Variants in BRAF observed in about 807,000 individuals in gnomAD.
BRAF encodes serine/threonine-protein kinase B-raf.
In BRAF, 16 loss-of-function variants were observed where a neutral mutation model predicts 104.6. The ratio of observed to expected loss-of-function variants is 0.15; its 90% CI spans 0.10 to 0.23. BRAF has a LOEUF of 0.23. Among genes scored for constraint, BRAF ranks in the 10% least tolerant of loss-of-function variants. The pLI is 1.00. For missense variants in BRAF, 541 were observed against 937.3 expected, an observed-to-expected ratio of 0.58 and a Z score of 5.52; for synonymous variants, 310 against 341.6, an observed-to-expected ratio of 0.91 and a Z score of 1.02.
intron 3 of BRAF, among the ~76,000 whole-genome samples, chr7:140,809,727 T>C (rs1354716772): frequency 1.3e-5 from 2 of 152,210 alleles, no homozygotes; most frequent in East Asian, 3.8e-4. Flanking sequence ...TGTAGTTCTG[T>C]AGATTTGCAG....
rs7797753 is a variant in BRAF, at chr7:140,740,244, A to G, written c.2113-298T>C. The G allele has an allele frequency of 0.047, 14,145 of 299,352 alleles. 1,826 individuals carry two copies. Among genetic ancestry groups the G allele is most frequent in the African/African-American group, 0.28 (12,978 of 46,562 alleles). 18.5% of individuals were successfully genotyped at this position (299,352 alleles called of 1,614,324 possible). A position where few individuals can be genotyped will look rare whatever the true frequency, so the allele number is the denominator to read the frequency against. ...CCCACTCACAGGGTAACCATCTAAA[A>G]CAGATCTGACAGTGCCTCTTCTTTA... On this transcript the variant is annotated intron_variant, in intron 17 of 19. Transcript: ENST00000644969.
chr7:140,793,846 C>CT (rs1195604128), intron 8 of BRAF, among the ~76,000 whole-genome samples: 5 of 152,150 alleles, frequency 3.3e-5, no homozygotes, highest in African/African-American at 1.2e-4. Context: ...AGGCTGGTCT[C>CT]TAACTTCTGG....
intron 3 of BRAF, among the ~76,000 whole-genome samples, chr7:140,832,597 G>T (rs1368364997): frequency 6.6e-6 from 1 of 152,108 alleles, no homozygotes; most frequent in African/African-American, 2.4e-5. Flanking sequence ...GATTCATAAG[G>T]CCTTTTAAGT....
chr7:140,893,252 CT>C (rs1212458745), intron 1 of BRAF, among the ~76,000 whole-genome samples: 407 of 141,522 alleles, frequency 2.9e-3, no homozygotes, highest in Admixed American at 3.2e-3. Context: ...CCATAACATT[CT>C]TTTTTTTTTT....
intron 3 of BRAF, among the ~76,000 whole-genome samples, chr7:140,826,053 T>C (rs549412318): frequency 2.6e-5 from 4 of 152,294 alleles, no homozygotes; most frequent in South Asian, 4.1e-4. Context: ...GCTTAACCTC[T>C]CTTTTATATT....
intron 1 of BRAF, among the ~76,000 whole-genome samples, chr7:140,912,158 A>G (rs559663916): frequency 1.3e-5 from 2 of 152,296 alleles, no homozygotes; most frequent in East Asian, 3.9e-4. Flanking sequence ...CATCTCTTAA[A>G]GGAAAAAAAA....
chr7:140,880,349 T>A (rs1812763386), intron 1 of BRAF, among the ~76,000 whole-genome samples: 1 of 152,228 alleles, frequency 6.6e-6, no homozygotes, highest in Admixed American at 6.5e-5. Context: ...CATGACATTG[T>A]AGCAATTCGG....
downstream of BRAF, among the ~76,000 whole-genome samples, chr7:140,715,429 T>C (rs1471377919): frequency 1.3e-5 from 2 of 152,126 alleles, no homozygotes; most frequent in Non-Finnish European, 2.9e-5. Flanking sequence ...TGTCTTCCAC[T>C]CACCCCCACC....
chr7:140,787,067 C>T (rs974407462), intron 9 of BRAF, among the ~76,000 whole-genome samples: 1 of 151,734 alleles, frequency 6.6e-6, no homozygotes, highest in South Asian at 2.1e-4. Context: ...TTTGGGAGGC[C>T]GAGGCGGGCG....
At chr7:140,836,564 C>G (rs1295924336) in intron 2 of BRAF, among the ~76,000 whole-genome samples, 1 of 152,154 alleles carries the variant, frequency 6.6e-6, no homozygotes, top group Non-Finnish European at 1.5e-5. Flanking sequence ...TGTTTACAGC[C>G]TGCTAGTTGC....
At chr7:140,744,886 TTAA>T (rs1429847749) in intron 17 of BRAF, among the ~76,000 whole-genome samples, 1 of 152,138 alleles carries the variant, frequency 6.6e-6, no homozygotes, top group African/African-American at 2.4e-5. Flanking sequence ...AATTAAAAAA[TTAA>T]TAATCAGAGC....
At position 140,725,699 on chromosome 7, in the gene BRAF, G is replaced by GAAA; in HGVS notation, c.*792_*794dup. The GAAA allele has an allele frequency of 1.2e-5, 11 of 890,876 alleles. No individual in the cohort carries two copies. Among genetic ancestry groups the GAAA allele is most frequent in the African/African-American group, 5.4e-5 (3 of 56,024 alleles). 55.2% of individuals were successfully genotyped at this position (890,876 alleles called of 1,614,324 possible). A position where few individuals can be genotyped will look rare whatever the true frequency, so the allele number is the denominator to read the frequency against. On this transcript the variant is annotated 3_prime_UTR_variant, in exon 20 of 20. Coordinates refer to ENST00000644969, the MANE Select transcript of BRAF (RefSeq NM_001374258.1). ...CCTGAGAATTTGCTACATTGTGGAGGAAAAAAAAAAAACCCAAACACTTAT... is the reference window on the plus strand; with the variant it reads ...CCTGAGAATTTGCTACATTGTGGAGGAAAAAAAAAAAAAAACCCAAACACTTAT...
intron 15 of BRAF, 51 bp from the exon 15 acceptor site, chr7:140,753,444 G>T: frequency 1.7e-6 from 2 of 1,210,594 alleles, no homozygotes; most frequent in South Asian, 1.2e-5. Context: ...TCCTATCAGA[G>T]CAAGCATTAT....
intron 5 of BRAF, among the ~76,000 whole-genome samples, chr7:140,805,564 A>G (rs1478761296): frequency 6.6e-6 from 1 of 152,184 alleles, no homozygotes; most frequent in Non-Finnish European, 1.5e-5. Context: ...TTAATCTAGT[A>G]TCTGAGTATA....
chr7:140,720,501 C>G lies in BRAF; in HGVS notation c.*5993G>C. The G allele has an allele frequency of 9.4e-7, 1 of 1,064,486 alleles. No individual in the cohort carries two copies. Among genetic ancestry groups the G allele is most frequent in the Non-Finnish European group, 1.1e-6 (1 of 878,870 alleles). The allele number at this position is 1,064,486 out of a possible 1,614,324, so 65.9% of individuals were successfully genotyped here. On this transcript the variant is annotated 3_prime_UTR_variant, in exon 20 of 20. Coordinates refer to ENST00000644969, the MANE Select transcript of BRAF (RefSeq NM_001374258.1). Reference sequence around the variant, plus strand: ...TGTTGATATAGCTGGTTTTAATCAGCTATGGAACATACACAAATGTATTAG... The same window carrying G: ...TGTTGATATAGCTGGTTTTAATCAGGTATGGAACATACACAAATGTATTAG...
chr7:140,720,143 A>G lies in BRAF; in HGVS notation c.*6351T>C. ...AATGATCAAATTCAATCCCCTGATC[A>G]GTTGTATGATCCTATCTTAGGAAAG... On this transcript the variant is annotated 3_prime_UTR_variant, in exon 20 of 20. Coordinates refer to ENST00000644969, the MANE Select transcript of BRAF (RefSeq NM_001374258.1). The G allele has an allele frequency of 9.4e-7, 1 of 1,061,622 alleles. No individual in the cohort carries two copies. The highest frequency in any genetic ancestry group is 1.1e-6 in the Non-Finnish European group (1 of 876,932). The allele number at this position is 1,061,622 out of a possible 1,614,324, so 65.8% of individuals were successfully genotyped here.
chr7:140,884,336 T>C (rs748136834), intron 1 of BRAF, among the ~76,000 whole-genome samples: 2 of 151,828 alleles, frequency 1.3e-5, no homozygotes, highest in African/African-American at 4.8e-5. Flanking sequence ...ACATAAGATA[T>C]CTTTTACTTC....
chr7:140,861,331 T>C (rs1199453213), intron 1 of BRAF, among the ~76,000 whole-genome samples: 1 of 152,170 alleles, frequency 6.6e-6, no homozygotes, highest in African/African-American at 2.4e-5. Flanking sequence ...AGAGTGTTTG[T>C]TAGGTACAAA....
In BRAF at chr7:140,725,955, C is replaced by T. The variant is rs915498125; in HGVS notation, c.*539G>A. ...GATAAAATCTGTCAAGGCCTGAACA[C>T]GCACCACATAGAAAGGGCAAGCTGC... On this transcript the variant is annotated 3_prime_UTR_variant, in exon 20 of 20. Transcript: ENST00000644969. 4.6e-5 allele frequency: 49 copies of T among 1,065,356 alleles called. No individual in the cohort carries two copies. The highest frequency in any genetic ancestry group is 5.3e-5 in the Admixed American group (1 of 18,844). 66.0% of individuals were successfully genotyped at this position (1,065,356 alleles called of 1,614,324 possible).
Sources: allele counts gnomAD v4.1 joint callset (sites outside exome capture counted in the v4.1 genomes callset), GRCh38; gene constraint gnomAD v4.1.1; transcripts MANE v1.5; gene names NCBI Gene and HGNC (gene_info 2026-07-23, HGNC 2026-07-21).